The following PPWD1 variants were observed in gnomAD, a reference collection of about 807,000 sequenced individuals.
PPWD1 encodes the protein peptidylprolyl isomerase domain and WD repeat containing 1, also known as peptidylprolyl isomerase domain and WD repeat-containing protein 1.
Under a neutral mutation model 68.8 loss-of-function variants are expected in PPWD1, and 43 were observed. The observed-to-expected ratio is 0.62, with a 90% confidence interval of 0.49 to 0.81. The LOEUF is 0.81. Ranked by LOEUF, PPWD1 falls within the 30% of genes least tolerant of loss-of-function variation. The pLI is 0.00. For missense variants in PPWD1, 672 were observed against 804.8 expected, an observed-to-expected ratio of 0.83 and a Z score of 2.00; for synonymous variants, 232 against 258.7, an observed-to-expected ratio of 0.90 and a Z score of 0.99.
chr5:65,567,452 C>A, intron 1 of PPWD1, 61 bp from the exon 2 acceptor site: 1 of 1,465,746 alleles, frequency 6.8e-7, no homozygotes, highest in South Asian at 1.5e-5. Flanking sequence ...AAAGAAAATA[C>A]AAAATAGTAT....
Position 65,579,423 on chromosome 5 carries a change from G to A in PPWD1, c.1161-1G>A. Reference sequence around the variant, plus strand: ...TGTATAAAACATTGTTATATTTTTAGGTGTGTGCGGATTTTAGGCAAACAA... The same window carrying A: ...TGTATAAAACATTGTTATATTTTTAAGTGTGTGCGGATTTTAGGCAAACAA... On this transcript the variant is annotated splice_acceptor_variant, in intron 6 of 10. Transcript: ENST00000261308. LOFTEE classifies it high-confidence loss of function. 1 of 1,505,036 alleles carries A rather than the reference G, an allele frequency of 6.6e-7. No homozygotes were observed. Among genetic ancestry groups the A allele is most frequent in the South Asian group, 1.4e-5 (1 of 73,896 alleles). The allele number at this position is 1,505,036 out of a possible 1,614,324, so 93.2% of individuals were successfully genotyped here.
chr5:65,577,559 T>C (rs562177669), intron 6 of PPWD1, among the ~76,000 whole-genome samples: 2 of 152,290 alleles, frequency 1.3e-5, no homozygotes, highest in South Asian at 4.1e-4. Flanking sequence ...GAACTTAATA[T>C]TTTAAGGAGA....
At chr5:65,570,851 T>G (rs1179860765) in intron 4 of PPWD1, among the ~76,000 whole-genome samples, 1 of 152,100 alleles carries the variant, frequency 6.6e-6, no homozygotes, top group African/African-American at 2.4e-5. Flanking sequence ...TAACCTTAAT[T>G]ACCTCCTGAA....
At chr5:65,570,502 C>G (rs1752963913) in intron 4 of PPWD1, 1 of 260,790 alleles carries the variant, frequency 3.8e-6, no homozygotes, top group Admixed American at 6.5e-5. Flanking sequence ...AGAATTTATA[C>G]ACATCTAAAT....
At chr5:65,567,191 C>G (rs1432219434) in intron 1 of PPWD1, among the ~76,000 whole-genome samples, 1 of 151,262 alleles carries the variant, frequency 6.6e-6, no homozygotes, top group Non-Finnish European at 1.5e-5. Context: ...CTTTTTCTTT[C>G]TTTTTTCTTT....
chr5:65,587,185 C>T, intron 10 of PPWD1, 68 bp from the exon 11 acceptor site: 3 of 1,431,234 alleles, frequency 2.1e-6, no homozygotes, highest in Admixed American at 4.6e-5. Context: ...CTTTAATTTG[C>T]TCAACCAGAG....
chr5:65,575,020 G>A lies in PPWD1; in HGVS notation c.970-1859G>A, dbSNP rs74486856. ...GGAGGAGGGTAGTTTCTAACCAGTC[G>A]GAATCCTAGTTTAACAGAAAAGAAA... On this transcript the variant is annotated intron_variant, in intron 5 of 10. Coordinates refer to ENST00000261308, the MANE Select transcript of PPWD1 (RefSeq NM_015342.4). 2.7e-3 allele frequency among the ~76,000 whole-genome samples: 410 copies of A among 152,236 alleles called. 1 individual carries two copies. The highest frequency in any genetic ancestry group is 9.5e-3 in the African/African-American group (396 of 41,522).
Position 65,587,362 on chromosome 5 carries a change from A to C in PPWD1, c.1907A>C (p.Glu636Ala). The change falls in exon 11 of 11, where the codon GAG (glutamate) becomes GCG (alanine). Residue 636 changes from glutamate to alanine, a missense_variant. Transcript: ENST00000261308. The part of the protein sequence containing the change: ...KVNPKTDKPY[E>A]DVSIINITVK The stretch of plus-strand genomic sequence containing the variant: ...AATCCCAAAACAGATAAGCCCTATG[A>C]GGATGTCAGCATCATAAATATTACT... 6.2e-7 allele frequency: 1 copy of C among 1,612,014 alleles called. No individual in the cohort carries two copies. The highest frequency in any genetic ancestry group is 1.3e-5 in the African/African-American group (1 of 74,966).
At chr5:65,572,918 C>A (rs1006672474) in intron 5 of PPWD1, among the ~76,000 whole-genome samples, 10 of 152,130 alleles carry the variant, frequency 6.6e-5, no homozygotes, top group African/African-American at 2.2e-4. Context: ...CTGGCTTCTT[C>A]CTAATATCCA....
At chr5:65,574,777 AAC>A (rs1251264143) in intron 5 of PPWD1, among the ~76,000 whole-genome samples, 8 of 152,170 alleles carry the variant, frequency 5.3e-5, no homozygotes, top group Non-Finnish European at 5.9e-5. Flanking sequence ...CAAATCTCTT[AAC>A]ACACATACTC....
chr5:65,577,245 C>G (rs1753341344), intron 6 of PPWD1, among the ~76,000 whole-genome samples, 176 bp downstream of exon 6: 1 of 152,064 alleles, frequency 6.6e-6, no homozygotes, highest in Non-Finnish European at 1.5e-5. Context: ...TGTTTATAAT[C>G]TTATGTAGAA....
intron 5 of PPWD1, among the ~76,000 whole-genome samples, chr5:65,574,753 G>A (rs939820776): frequency 2.0e-5 from 3 of 152,142 alleles, no homozygotes; most frequent in African/African-American, 4.8e-5. Context: ...GTGAGCCACC[G>A]CGCCCGGCCG....
chr5:65,578,881 C>T (rs1035221232), intron 6 of PPWD1, among the ~76,000 whole-genome samples: 13 of 151,094 alleles, frequency 8.6e-5, no homozygotes, highest in African/African-American at 2.9e-4. Context: ...AGCCGTTCTC[C>T]TAGTCTGTGA....
chr5:65,573,778 TA>T (rs1252929583), intron 5 of PPWD1, among the ~76,000 whole-genome samples: 1 of 151,900 alleles, frequency 6.6e-6, no homozygotes, highest in Admixed American at 6.6e-5. Context: ...GACTAAGCCC[TA>T]TGTGATCTGT....
chr5:65,569,757 G>T (rs750793354), intron 3 of PPWD1, 25 bp downstream of exon 3: 5 of 1,598,506 alleles, frequency 3.1e-6, no homozygotes. Context: ...TCATTTTCTT[G>T]TAGCTCTTTC....
At chr5:65,565,032 T>C (rs950899173) in intron 1 of PPWD1, among the ~76,000 whole-genome samples, 7 of 152,260 alleles carry the variant, frequency 4.6e-5, no homozygotes, top group Non-Finnish European at 8.8e-5. Context: ...AAGAAGCTGT[T>C]TTTTTGAACG....
intron 8 of PPWD1, among the ~76,000 whole-genome samples, chr5:65,583,531 G>T (rs1753691403): frequency 1.3e-5 from 2 of 152,158 alleles, no homozygotes. Flanking sequence ...TGAACTCTAG[G>T]TTTTGTGGAT....
At chr5:65,575,497 A>T (rs1434418098) in intron 5 of PPWD1, among the ~76,000 whole-genome samples, 1 of 152,200 alleles carries the variant, frequency 6.6e-6, no homozygotes, top group Admixed American at 6.5e-5. Context: ...TATAGTTCTA[A>T]CCTTATCTAG....
chr5:65,571,616 G>C (rs1753007878), intron 4 of PPWD1, among the ~76,000 whole-genome samples: 1 of 152,088 alleles, frequency 6.6e-6, no homozygotes, highest in Non-Finnish European at 1.5e-5. Flanking sequence ...CTTATGTTTT[G>C]ACAGATCCTT....
Sources: gnomAD v4.1 joint callset for allele counts (sites outside exome capture counted in the v4.1 genomes callset) on GRCh38, gnomAD v4.1.1 for gene constraint, MANE v1.5 for transcripts, NCBI Gene and HGNC (gene_info 2026-07-23, HGNC 2026-07-21) for gene names.